The following GLUD1 variants were observed in gnomAD, a reference collection of about 807,000 sequenced individuals.
GLUD1 encodes the protein glutamate dehydrogenase 1, mitochondrial.
In GLUD1, 22 loss-of-function variants were observed where a neutral mutation model predicts 56.0. That is an observed-to-expected ratio of 0.39 (90% confidence interval 0.28 to 0.56). The LOEUF is 0.56. Among genes scored for constraint, GLUD1 ranks in the 20% least tolerant of loss-of-function variants. The probability of loss-of-function intolerance (pLI) is 0.58; values close to 1 mark genes in which losing one functional copy is unlikely to be tolerated. For synonymous variants in GLUD1, 223 were observed against 269.9 expected (o/e 0.83, Z 1.70); for missense variants, 451 against 732.0 (o/e 0.62, Z 4.43).
At chr10:87,076,379 T>TA (rs1589373177) in intron 2 of GLUD1, among the ~76,000 whole-genome samples, 197 bp downstream of exon 2, 1 of 136,964 alleles carries the variant, frequency 7.3e-6, no homozygotes, top group East Asian at 2.6e-4. Flanking sequence ...TCTCCTATTT[T>TA]AAAAAATCCC....
At chr10:87,058,570 C>T (rs1229964209) in intron 10 of GLUD1, among the ~76,000 whole-genome samples, 3 of 152,094 alleles carry the variant, frequency 2.0e-5, no homozygotes, top group African/African-American at 7.2e-5. Context: ...AAATTAGTAT[C>T]GACAGTGGAG....
At chr10:87,081,859 CTTGT>C (rs1841264304) in intron 1 of GLUD1, among the ~76,000 whole-genome samples, 1 of 144,782 alleles carries the variant, frequency 6.9e-6, no homozygotes, top group African/African-American at 2.6e-5. Flanking sequence ...CCTTTGTTCA[CTTGT>C]TTATCTGCTG....
In GLUD1 at chr10:87,068,088, G is replaced by GT; in HGVS notation, c.715dup (p.Thr239AsnfsTer10). ...ATAGTGCCCTATGGTGCTGGCATAG[G>GT]TATCAGCGATCCAGGACATCTCCCG... On this transcript the variant is annotated frameshift_variant, in exon 5 of 13. Transcript: ENST00000277865. LOFTEE classifies it high-confidence loss of function. The GT allele has an allele frequency of 6.2e-7, 1 of 1,611,132 alleles. No homozygotes were observed. Among genetic ancestry groups the GT allele is most frequent in the Non-Finnish European group, 8.5e-7 (1 of 1,177,310 alleles).
intron 4 of GLUD1, among the ~76,000 whole-genome samples, chr10:87,073,610 CTTTTTT>C (rs71019462): frequency 8.1e-5 from 6 of 74,138 alleles, no homozygotes; most frequent in East Asian, 4.5e-4. Flanking sequence ...AATTAACATT[CTTTTTT>C]TTTTTTTTTT....
intron 1 of GLUD1, among the ~76,000 whole-genome samples, chr10:87,077,534 G>C (rs1846432449): frequency 6.7e-6 from 1 of 149,670 alleles, no homozygotes; most frequent in African/African-American, 2.5e-5. Context: ...TGCAAAGAGG[G>C]CAGGTAGCCA....
At chr10:87,062,597 G>A in intron 6 of GLUD1, 59 bp downstream of exon 6, 2 of 1,221,568 alleles carry the variant, frequency 1.6e-6, no homozygotes, top group Non-Finnish European at 2.4e-6. Context: ...TAAAAACATT[G>A]AAAACTTTAC....
intron 3 of GLUD1, 49 bp from the exon 4 acceptor site, chr10:87,074,663 G>A (rs539127252): frequency 2.8e-5 from 29 of 1,031,390 alleles, no homozygotes; most frequent in South Asian, 1.5e-4. Context: ...TATAAAAATC[G>A]CTTGAGATTA....
intron 6 of GLUD1, 143 bp from the exon 7 acceptor site, chr10:87,061,195 A>T: frequency 1.2e-6 from 1 of 832,866 alleles, no homozygotes; most frequent in Admixed American, 1.8e-5. Context: ...CAATGTACTA[A>T]CTGGTTTCTC....
At chr10:87,069,311 T>G (rs1846158924) in intron 4 of GLUD1, among the ~76,000 whole-genome samples, 1 of 151,800 alleles carries the variant, frequency 6.6e-6, no homozygotes, top group Non-Finnish European at 1.5e-5. Flanking sequence ...GGTCAGGAGT[T>G]TGAGACCAGC....
At chr10:87,059,919 A>G (rs1002654555) in intron 9 of GLUD1, among the ~76,000 whole-genome samples, 3 of 152,242 alleles carry the variant, frequency 2.0e-5, no homozygotes, top group Admixed American at 6.5e-5. Context: ...CATTTATATA[A>G]CCAGACTCTT....
intron 6 of GLUD1, among the ~76,000 whole-genome samples, chr10:87,061,820 G>C (rs1347809185): frequency 6.9e-6 from 1 of 145,370 alleles, no homozygotes; most frequent in Admixed American, 6.8e-5. Flanking sequence ...GTCTGGCTCT[G>C]TCACCCAGGC....
At chr10:87,054,496 G>C (rs1028066954) in intron 11 of GLUD1, among the ~76,000 whole-genome samples, 1 of 152,204 alleles carries the variant, frequency 6.6e-6, no homozygotes, top group African/African-American at 2.4e-5. Context: ...CAAGGTGGGA[G>C]TGTCAGTTGT....
intron 1 of GLUD1, among the ~76,000 whole-genome samples, chr10:87,077,531 A>T (rs550714698): frequency 9.3e-5 from 14 of 150,296 alleles, no homozygotes; most frequent in Middle Eastern, 6.8e-3. Flanking sequence ...TTCTGCAAAG[A>T]GGGCAGGTAG....
intron 4 of GLUD1, among the ~76,000 whole-genome samples, chr10:87,069,281 C>T (rs1418939588): frequency 1.3e-5 from 2 of 152,064 alleles, no homozygotes; most frequent in African/African-American, 4.8e-5. Flanking sequence ...CCTTGGGAGG[C>T]TGAGGAGGGC....
intron 1 of GLUD1, among the ~76,000 whole-genome samples, chr10:87,086,667 CAA>C (rs1278711498): frequency 8.8e-5 from 11 of 125,140 alleles, no homozygotes; most frequent in South Asian, 2.5e-4. Flanking sequence ...ACTAAAAATA[CAA>C]AAAAAAAAAA....
intron 1 of GLUD1, among the ~76,000 whole-genome samples, chr10:87,078,573 C>T (rs1841115998): frequency 6.6e-6 from 1 of 152,120 alleles, no homozygotes; most frequent in Admixed American, 6.5e-5. Context: ...ATATTAGGCA[C>T]TCAAATACAT....
intron 1 of GLUD1, chr10:87,089,531 G>C: frequency 1.3e-6 from 1 of 753,710 alleles, no homozygotes; most frequent in Non-Finnish European, 1.6e-6. Context: ...ACACAGAGCT[G>C]AATAAATGTT....
intron 5 of GLUD1, among the ~76,000 whole-genome samples, chr10:87,063,861 A>C (rs1276115018): frequency 6.7e-6 from 1 of 150,360 alleles, no homozygotes; most frequent in African/African-American, 2.4e-5. Context: ...TTCACCATCC[A>C]TCTTTCTGTC....
chr10:87,061,128 T>G (rs1845918809), intron 6 of GLUD1, 76 bp from the exon 7 acceptor site: 2 of 1,306,720 alleles, frequency 1.5e-6, no homozygotes, highest in South Asian at 1.2e-5. Flanking sequence ...TTGACCAATG[T>G]AAATCCATAC....
Sources: allele counts gnomAD v4.1 joint callset (sites outside exome capture counted in the v4.1 genomes callset), GRCh38; gene constraint gnomAD v4.1.1; transcripts MANE v1.5; gene names NCBI Gene and HGNC (gene_info 2026-07-23, HGNC 2026-07-21).